The following TRIM33 variants were observed in gnomAD, a reference collection of about 807,000 sequenced individuals.
TRIM33 encodes E3 ubiquitin-protein ligase TRIM33.
TRIM33 carries 20 observed loss-of-function variants against 125.4 expected under a neutral mutation model. The observed-to-expected ratio is 0.16, with a 90% CI of 0.11 to 0.23. The LOEUF (loss-of-function observed/expected upper bound fraction) is 0.23, where lower values mean the gene tolerates loss of function less well. Ranked by LOEUF, TRIM33 falls within the 10% of genes least tolerant of loss-of-function variation. TRIM33 has a pLI of 1.00. For synonymous variants in TRIM33, 564 were observed against 513.9 expected, an observed-to-expected ratio of 1.10 and a Z score of -1.32; for missense variants, 920 against 1,411.4, an observed-to-expected ratio of 0.65 and a Z score of 5.58.
chr1:114,448,074 A>G (rs1355103789), intron 4 of TRIM33, among the ~76,000 whole-genome samples: 5 of 152,218 alleles, frequency 3.3e-5, no homozygotes, highest in Admixed American at 3.3e-4. Context: ...TGGAAGAAAA[A>G]CAGCAGCATA....
chr1:114,468,422 C>A, intron 1 of TRIM33: 2 of 357,966 alleles, frequency 5.6e-6, no homozygotes, highest in East Asian at 9.8e-5. Context: ...CAGAGGAGAC[C>A]CAGCCCTTAG....
chr1:114,490,557 A>T (rs1652002737), intron 1 of TRIM33, among the ~76,000 whole-genome samples: 1 of 152,218 alleles, frequency 6.6e-6, no homozygotes, highest in African/African-American at 2.4e-5. Flanking sequence ...GAGAAATGAA[A>T]ACATATGTTC....
chr1:114,501,888 G>T (rs1324642019), intron 1 of TRIM33, among the ~76,000 whole-genome samples: 1 of 152,082 alleles, frequency 6.6e-6, no homozygotes, highest in Non-Finnish European at 1.5e-5. Flanking sequence ...TGGGGCATAG[G>T]CTTTAAATAT....
intron 4 of TRIM33, among the ~76,000 whole-genome samples, chr1:114,459,745 A>T (rs1649844787): frequency 6.6e-6 from 1 of 151,902 alleles, no homozygotes; most frequent in African/African-American, 2.4e-5. Flanking sequence ...CTCTTCAAAA[A>T]ATAAGAAAAA....
chr1:114,400,667 C>G (rs1440450839), intron 17 of TRIM33, among the ~76,000 whole-genome samples: 1 of 152,198 alleles, frequency 6.6e-6, no homozygotes, highest in African/African-American at 2.4e-5. Flanking sequence ...AAATTCATTT[C>G]TCAGGCTACC....
intron 1 of TRIM33, among the ~76,000 whole-genome samples, chr1:114,477,627 T>G (rs1228945171): frequency 6.6e-6 from 1 of 152,224 alleles, no homozygotes; most frequent in Non-Finnish European, 1.5e-5. Context: ...AAATGTAAGC[T>G]ATTATTACAA....
At chr1:114,473,296 G>T (rs1008673323) in intron 1 of TRIM33, among the ~76,000 whole-genome samples, 3 of 151,742 alleles carry the variant, frequency 2.0e-5, no homozygotes, top group African/African-American at 7.3e-5. Flanking sequence ...CCTCAGCAAG[G>T]CAATTTATTT....
At chr1:114,491,048 G>A (rs541082624) in intron 1 of TRIM33, among the ~76,000 whole-genome samples, 22 of 152,220 alleles carry the variant, frequency 1.4e-4, no homozygotes, top group African/African-American at 4.1e-4. Flanking sequence ...ATTGGTAGAG[G>A]GTTTCTTTTG....
At chr1:114,502,075 G>GA (rs941383777) in intron 1 of TRIM33, among the ~76,000 whole-genome samples, 1 of 152,026 alleles carries the variant, frequency 6.6e-6, no homozygotes, top group Non-Finnish European at 1.5e-5. Flanking sequence ...TCATAAACAT[G>GA]AAAAAAATCA....
At chr1:114,406,063 A>G (rs760815873) in intron 14 of TRIM33, among the ~76,000 whole-genome samples, 3 of 152,202 alleles carry the variant, frequency 2.0e-5, no homozygotes, top group Non-Finnish European at 4.4e-5. Context: ...GAGAGAGCTA[A>G]TTATGGCACA....
At chr1:114,485,053 T>TA (rs71580624) in intron 1 of TRIM33, among the ~76,000 whole-genome samples, 24,142 of 145,142 alleles carry the variant, frequency 0.17, 2,006 homozygotes, top group Non-Finnish European at 0.2. Context: ...CTCTGTCTTT[T>TA]AAAAAAAAAA....
chr1:114,465,243 T>G (rs918588822), intron 1 of TRIM33, among the ~76,000 whole-genome samples: 2 of 152,146 alleles, frequency 1.3e-5, no homozygotes, highest in African/African-American at 4.8e-5. Flanking sequence ...AGGTAACACA[T>G]AGAGGCTAAA....
chr1:114,399,382 G>A (rs974544181), intron 18 of TRIM33, 75 bp downstream of exon 18: 2 of 1,446,340 alleles, frequency 1.4e-6, no homozygotes, highest in African/African-American at 2.9e-5. Context: ...TAAAATTAAA[G>A]TCAGCAGAAA....
intron 1 of TRIM33, among the ~76,000 whole-genome samples, chr1:114,486,998 A>C (rs1268463097): frequency 6.6e-6 from 1 of 151,878 alleles, no homozygotes; most frequent in African/African-American, 2.4e-5. Flanking sequence ...GAAGCAGGCG[A>C]ATCACTTGAA....
chr1:114,498,001 G>T (rs530815899), intron 1 of TRIM33, among the ~76,000 whole-genome samples: 2 of 151,752 alleles, frequency 1.3e-5, no homozygotes, highest in African/African-American at 2.4e-5. Context: ...AGTGGTACAC[G>T]TCTATAATTC....
chr1:114,427,063 A>T, intron 8 of TRIM33, 114 bp downstream of exon 8: 1 of 534,754 alleles, frequency 1.9e-6, no homozygotes, highest in Non-Finnish European at 3.4e-6. Flanking sequence ...TTTTTACATA[A>T]AATGTAAAAC....
chr1:114,510,855 C>A lies in TRIM33; in HGVS notation c.222G>T (p.Ser74=). 2.0e-6 allele frequency: 3 copies of A among 1,481,126 alleles called. No homozygotes were observed. Among genetic ancestry groups the A allele is most frequent in the Non-Finnish European group, 2.7e-6 (3 of 1,122,850 alleles). 91.7% of individuals were successfully genotyped at this position (1,481,126 alleles called of 1,614,324 possible). A position where few individuals can be genotyped will look rare whatever the true frequency, so the allele number is the denominator to read the frequency against. The change falls in exon 1 of 20, where the codon TCG becomes TCT. Residue 74 remains serine, a synonymous_variant. Transcript: ENST00000358465. ...CCGCAGGAGATGAAGCAGCCTGGGCCGAGCCCGAGGAGGCCGCGGCCACCC... is the reference window on the plus strand; with the variant it reads ...CCGCAGGAGATGAAGCAGCCTGGGCAGAGCCCGAGGAGGCCGCGGCCACCC... ...DGGVAAASSG[S]AQAASSPAAS... is the part of the protein sequence containing the mutation.
intron 4 of TRIM33, among the ~76,000 whole-genome samples, chr1:114,452,903 T>TC (rs1208981088): frequency 1.3e-5 from 2 of 150,874 alleles, no homozygotes; most frequent in Non-Finnish European, 3.0e-5. Context: ...ACACCCTGTC[T>TC]CCTAAAAACA....
intron 11 of TRIM33, among the ~76,000 whole-genome samples, chr1:114,419,377 T>C (rs901163602): frequency 1.3e-5 from 2 of 152,160 alleles, no homozygotes; most frequent in Non-Finnish European, 2.9e-5. Context: ...CGTGAATTGA[T>C]TTTGTTTGTG....
Sources: gnomAD v4.1 joint callset for allele counts (sites outside exome capture counted in the v4.1 genomes callset) on GRCh38, gnomAD v4.1.1 for gene constraint, MANE v1.5 for transcripts, NCBI Gene and HGNC (gene_info 2026-07-23, HGNC 2026-07-21) for gene names.